The following SNAPC3 variants were observed in gnomAD, a reference collection of about 807,000 sequenced individuals.
The protein encoded by SNAPC3 is snRNA-activating protein complex subunit 3.
In SNAPC3, 56 loss-of-function variants were observed where a neutral mutation model predicts 47.7. That is an observed-to-expected ratio of 1.18 (90% CI 0.95 to 1.47). The LOEUF (loss-of-function observed/expected upper bound fraction) is 1.47, where lower values mean the gene tolerates loss of function less well. Among genes scored for constraint, SNAPC3 ranks in the 40% most tolerant of loss-of-function variants. The probability of loss-of-function intolerance (pLI) is 0.00; values close to 1 mark genes in which losing one functional copy is unlikely to be tolerated. For synonymous variants in SNAPC3, 235 were observed against 189.9 expected, an observed-to-expected ratio of 1.24 and a Z score of -1.95; for missense variants, 665 against 511.3, an observed-to-expected ratio of 1.30 and a Z score of -2.90.
downstream of SNAPC3, chr9:15,461,933 A>G (rs1342947408): frequency 6.6e-6 from 1 of 152,240 alleles, no homozygotes; most frequent in African/African-American, 2.4e-5. Flanking sequence ...AAAATTGAGC[A>G]GATTGATAAC....
chr9:15,423,184 C>A lies in SNAPC3; in HGVS notation c.305C>A (p.Ala102Glu), dbSNP rs758031602. ...CTGGAGGCGGCGGCTGAGCTGAGGG[C>A]GGTGTGCGGGTGAGTGCGGAGCAAA... The part of the protein sequence containing the change: ...CSLEAAAELR[A>E]VCGLDKLKCL... The change falls in exon 1 of 9, where the codon GCG becomes GAG. Residue 102 changes from alanine (A) to glutamate (E), a missense_variant. Coordinates refer to ENST00000380821, the MANE Select transcript of SNAPC3 (RefSeq NM_001039697.2). 2 of 1,577,212 alleles carry A rather than the reference C, an allele frequency of 1.3e-6. No individual in the cohort carries two copies. The highest frequency in any genetic ancestry group is 1.1e-5 in the South Asian group (1 of 87,508).
At chr9:15,432,313 A>G (rs2032261997) in intron 2 of SNAPC3, among the ~76,000 whole-genome samples, 1 of 152,240 alleles carries the variant, frequency 6.6e-6, no homozygotes, top group South Asian at 2.1e-4. Context: ...AGGTTAGTAT[A>G]CATACATATA....
intron 2 of SNAPC3, chr9:15,431,836 A>C (rs2032189631): frequency 6.6e-6 from 1 of 151,476 alleles, no homozygotes. Flanking sequence ...ATATAACACC[A>C]CTGAAAAGGG....
chr9:15,451,737 A>C lies in SNAPC3; in HGVS notation c.815+335A>C, dbSNP rs564083184. Among the ~76,000 whole-genome samples the C allele has an allele frequency of 2.0e-4, 30 of 152,194 alleles. No homozygotes were observed. The East Asian group carries it at 5.2e-3, about 26-fold the overall frequency. ...AAATAAATAAATCACCTTAACATGC[A>C]TTATTAGTCTCTGGCCTTTACATAT... On this transcript the variant is annotated intron_variant, in intron 6 of 8. Transcript: ENST00000380821.
downstream of SNAPC3, chr9:15,465,550 T>G (rs750926672): frequency 2.5e-6 from 4 of 1,585,534 alleles, no homozygotes; most frequent in Admixed American, 1.7e-5. Flanking sequence ...CCTTCAGAGA[T>G]ATTTCAGTCT....
In SNAPC3 at chr9:15,423,111, G is replaced by T; in HGVS notation, c.232G>T (p.Asp78Tyr). The change falls in exon 1 of 9, where the codon GAC becomes TAC. Residue 78 changes from aspartate to tyrosine, a missense_variant. Coordinates refer to ENST00000380821, the MANE Select transcript of SNAPC3 (RefSeq NM_001039697.2). The stretch of plus-strand genomic sequence containing the variant: ...CGCTCTGCCTGGGAGCCAGGCAGCT[G>T]ACTCCGACCGGGAGGATGCCGCGGT... The part of the protein sequence containing the change: ...ASALPGSQAA[D>Y]SDREDAAVAR... The T allele has an allele frequency of 6.4e-7, 1 of 1,552,148 alleles. No homozygotes were observed.
chr9:15,442,772 G>A (rs926997669), intron 3 of SNAPC3, among the ~76,000 whole-genome samples: 26 of 152,336 alleles, frequency 1.7e-4, no homozygotes, highest in African/African-American at 4.8e-4. Context: ...ACGGGGTGGC[G>A]GCCGGGTACA....
chr9:15,442,026 C>T (rs983191167), intron 3 of SNAPC3, among the ~76,000 whole-genome samples: 4 of 151,754 alleles, frequency 2.6e-5, no homozygotes, highest in Non-Finnish European at 5.9e-5. Context: ...CGGAGGCGCT[C>T]CCCACCTCCT....
chr9:15,447,671 A>G (rs1314955304), intron 5 of SNAPC3, among the ~76,000 whole-genome samples: 2 of 152,120 alleles, frequency 1.3e-5, no homozygotes, highest in African/African-American at 4.8e-5. Context: ...ACTGTAGCAT[A>G]TGACTTTGCT....
chr9:15,430,672 T>C (rs529536859), intron 2 of SNAPC3, among the ~76,000 whole-genome samples: 2 of 152,320 alleles, frequency 1.3e-5, no homozygotes, highest in Admixed American at 6.5e-5. Flanking sequence ...CTGCTTGTTA[T>C]TCCTTGCAGT....
chr9:15,465,462 T>C, downstream of SNAPC3: 1 of 1,418,638 alleles, frequency 7.0e-7, no homozygotes, highest in Non-Finnish European at 9.7e-7. Context: ...AGCAGTCTAT[T>C]TCAAATGAAA....
chr9:15,436,862 T>G (rs2131818426), intron 3 of SNAPC3, among the ~76,000 whole-genome samples: 1 of 150,366 alleles, frequency 6.7e-6, no homozygotes, highest in African/African-American at 2.5e-5. Context: ...TTGCTCTTGT[T>G]GCCCAGGCTG....
intron 4 of SNAPC3, among the ~76,000 whole-genome samples, chr9:15,445,310 TCTA>T (rs1426671540): frequency 6.6e-6 from 1 of 152,236 alleles, no homozygotes; most frequent in Non-Finnish European, 1.5e-5. Flanking sequence ...TGATTCTAAT[TCTA>T]CTAATTCTTG....
chr9:15,454,586 GGTT>G lies in SNAPC3; in HGVS notation c.980+1385_980+1387del, dbSNP rs368367137. On this transcript the variant is annotated intron_variant, in intron 7 of 8. Coordinates refer to ENST00000380821, the MANE Select transcript of SNAPC3 (RefSeq NM_001039697.2). ...GGAAAAATAGAACTGGTAGACTCCC[GGTT>G]GTTCACTGTTCTGTCAGAAAATAGG... 6.6e-5 allele frequency among the ~76,000 whole-genome samples: 10 copies of G among 152,324 alleles called. No individual in the cohort carries two copies. In the East Asian group the frequency reaches 9.6e-4, roughly 15 times the overall value.
chr9:15,458,738 C>A (rs947546631), intron 8 of SNAPC3, among the ~76,000 whole-genome samples: 1 of 151,956 alleles, frequency 6.6e-6, no homozygotes, highest in African/African-American at 2.4e-5. Context: ...CTGGACAACA[C>A]AGCAGTAACT....
chr9:15,449,588 G>C (rs112472455), intron 5 of SNAPC3, among the ~76,000 whole-genome samples: 8 of 22,676 alleles, frequency 3.5e-4, no homozygotes, highest in African/African-American at 1.2e-3. Flanking sequence ...TTTTTTTTTT[G>C]AGACAGAATT....
At chr9:15,438,960 A>G (rs1051159041) in intron 3 of SNAPC3, among the ~76,000 whole-genome samples, 1 of 152,182 alleles carries the variant, frequency 6.6e-6, no homozygotes, top group Non-Finnish European at 1.5e-5. Context: ...AACTATTACC[A>G]TAGAACTGTC....
chr9:15,434,904 C>G (rs1452585814), intron 3 of SNAPC3, among the ~76,000 whole-genome samples: 2 of 152,128 alleles, frequency 1.3e-5, no homozygotes, highest in African/African-American at 2.4e-5. Flanking sequence ...AATTGGTGTA[C>G]AGATATCTTT....
At chr9:15,425,835 C>G (rs2031307001) in intron 2 of SNAPC3, among the ~76,000 whole-genome samples, 2 of 152,140 alleles carry the variant, frequency 1.3e-5, no homozygotes, top group Non-Finnish European at 1.5e-5. Context: ...CTCACAAAGG[C>G]CTCTAAGGAG....
Sources: allele counts gnomAD v4.1 joint callset (sites outside exome capture counted in the v4.1 genomes callset), GRCh38; gene constraint gnomAD v4.1.1; transcripts MANE v1.5; gene names NCBI Gene and HGNC (gene_info 2026-07-23, HGNC 2026-07-21).